The following EGF variants were observed in gnomAD, a reference collection of about 807,000 sequenced individuals.
The protein encoded by EGF is pro-epidermal growth factor.
A neutral mutation model predicts 143.8 loss-of-function variants in EGF; 95 were observed. The observed-to-expected ratio is 0.66, with a 90% CI of 0.56 to 0.78. The LOEUF (loss-of-function observed/expected upper bound fraction) is 0.78, where lower values mean the gene tolerates loss of function less well. Ranked by LOEUF, EGF falls within the 30% of genes least tolerant of loss-of-function variation. EGF has a pLI of 0.00. For missense variants in EGF, 1,320 were observed against 1,470.9 expected, an observed-to-expected ratio of 0.90 and a Z score of 1.68; for synonymous variants, 510 against 510.5, an observed-to-expected ratio of 1.00 and a Z score of 0.01.
intron 5 of EGF, among the ~76,000 whole-genome samples, chr4:109,950,805 C>T (rs936449237): frequency 1.1e-4 from 16 of 152,336 alleles, no homozygotes; most frequent in African/African-American, 3.6e-4. Flanking sequence ...CCTTCAGGAA[C>T]ACCTTCCTTG....
At chr4:109,946,108 A>G (rs1325811156) in intron 5 of EGF, among the ~76,000 whole-genome samples, 4 of 152,150 alleles carry the variant, frequency 2.6e-5, no homozygotes, top group Non-Finnish European at 5.9e-5. Context: ...CCAACACCGA[A>G]TCCATTCCAT....
intron 6 of EGF, 134 bp downstream of exon 6, chr4:109,959,571 C>A: frequency 7.3e-7 from 1 of 1,367,808 alleles, no homozygotes; most frequent in South Asian, 1.2e-5. Context: ...GTCCATTCTC[C>A]CCGTCCCCCA....
At chr4:109,986,382 T>C (rs1750110410) in intron 16 of EGF, among the ~76,000 whole-genome samples, 1 of 152,212 alleles carries the variant, frequency 6.6e-6, no homozygotes, top group Non-Finnish European at 1.5e-5. Flanking sequence ...AAATGGATAA[T>C]TGATTTGGTC....
chr4:109,967,928 C>A (rs1746872827), intron 10 of EGF, among the ~76,000 whole-genome samples: 1 of 151,900 alleles, frequency 6.6e-6, no homozygotes, highest in African/African-American at 2.4e-5. Context: ...AATGATACAC[C>A]TTTATAGGGC....
At chr4:109,964,334 G>A (rs1746194736) in intron 9 of EGF, 67 bp from the exon 10 acceptor site, 1 of 1,606,522 alleles carries the variant, frequency 6.2e-7, no homozygotes, top group Non-Finnish European at 8.5e-7. Flanking sequence ...AAAGGGAAGA[G>A]TCAGAGATGC....
intron 11 of EGF, among the ~76,000 whole-genome samples, chr4:109,970,224 C>T (rs978547623): frequency 3.9e-5 from 6 of 152,112 alleles, no homozygotes; most frequent in African/African-American, 9.7e-5. Context: ...ATCCCTTCTG[C>T]GTGCGAATGA....
chr4:109,972,104 G>T (rs943811920), intron 11 of EGF, among the ~76,000 whole-genome samples: 5 of 152,066 alleles, frequency 3.3e-5, no homozygotes, highest in Non-Finnish European at 7.4e-5. Context: ...TAGAAGGAGG[G>T]TGAGTTTTTC....
chr4:109,997,371 C>T (rs576443852), intron 20 of EGF, among the ~76,000 whole-genome samples: 2 of 152,304 alleles, frequency 1.3e-5, no homozygotes, highest in South Asian at 4.1e-4. Flanking sequence ...GTCTAGCCCT[C>T]AATTCTTGAT....
At chr4:109,973,600 C>A (rs1490922389) in intron 11 of EGF, among the ~76,000 whole-genome samples, 1 of 151,732 alleles carries the variant, frequency 6.6e-6, no homozygotes, top group African/African-American at 2.4e-5. Context: ...TCTTACTTCC[C>A]CCGACCTCTC....
At chr4:109,971,201 T>C (rs1316787566) in intron 11 of EGF, among the ~76,000 whole-genome samples, 1 of 152,216 alleles carries the variant, frequency 6.6e-6, no homozygotes, top group Non-Finnish European at 1.5e-5. Flanking sequence ...CATATTCTCT[T>C]AATAGTCATA....
At chr4:109,973,470 T>C (rs17041119) in intron 11 of EGF, among the ~76,000 whole-genome samples, 2,289 of 152,286 alleles carry the variant, frequency 0.015, 68 homozygotes, top group African/African-American at 0.051. Flanking sequence ...CTCTGATCCC[T>C]GCTTGGCTGG....
chr4:109,954,459 A>AT (rs1325969482), intron 5 of EGF, among the ~76,000 whole-genome samples: 3 of 152,086 alleles, frequency 2.0e-5, no homozygotes, highest in Admixed American at 6.6e-5. Flanking sequence ...TGGCTAGGTG[A>AT]TTTTTTTCTT....
At chr4:109,946,081 C>T (rs1742812216) in intron 5 of EGF, among the ~76,000 whole-genome samples, 1 of 152,212 alleles carries the variant, frequency 6.6e-6, no homozygotes, top group African/African-American at 2.4e-5. Context: ...CCCACTGTCT[C>T]ACCCCCAGTT....
rs773442580 is a variant in EGF, at chr4:109,913,367, T to G, written c.32T>G (p.Val11Gly). 1 of 1,613,992 alleles carries G rather than the reference T, an allele frequency of 6.2e-7. No individual in the cohort carries two copies. The highest frequency in any genetic ancestry group is 8.5e-7 in the Non-Finnish European group (1 of 1,179,902). ...CTCACTCTTATCATTCTGTTGCCAG[T>G]AGTTTCAAAATTTAGTTTTGTTAGT... The part of the protein sequence containing the change: MLLTLIILLP[V>G]VSKFSFVSLS... Residue 11 changes from valine (V) to glycine (G), a missense_variant, in exon 1 of 24, where the codon GTA (valine) becomes GGA (glycine). This residue lies in a region of EGF where 79 missense variants were observed against 71.2 expected (regional missense o/e 1.11). Coordinates refer to ENST00000265171, the MANE Select transcript of EGF (RefSeq NM_001963.6).
intron 1 of EGF, among the ~76,000 whole-genome samples, chr4:109,924,515 A>G (rs1273501186): frequency 6.8e-6 from 1 of 146,446 alleles, no homozygotes; most frequent in Non-Finnish European, 1.5e-5. Context: ...GCTTGGGCTG[A>G]CAGTGGAGAC....
At chr4:109,970,824 C>CA (rs371512157) in intron 11 of EGF, among the ~76,000 whole-genome samples, 26,398 of 72,638 alleles carry the variant, frequency 0.36, 4,679 homozygotes, top group Non-Finnish European at 0.41. Context: ...GACTCCGTCT[C>CA]AAAAAAAAAA....
intron 23 of EGF, 41 bp downstream of exon 23, chr4:110,008,271 A>C: frequency 6.2e-7 from 1 of 1,609,596 alleles, no homozygotes; most frequent in Non-Finnish European, 8.5e-7. Context: ...GGTTATTTTT[A>C]CTTAGATCCT....
At chr4:110,011,108 C>T (rs1578421732) in intron 23 of EGF, 94 bp from the exon 24 acceptor site, 2 of 1,439,788 alleles carry the variant, frequency 1.4e-6, no homozygotes, top group East Asian at 4.7e-5. Flanking sequence ...GTCTCATTTT[C>T]AGGCCAGTTC....
chr4:109,920,948 A>T (rs1284360267), intron 1 of EGF, among the ~76,000 whole-genome samples: 1 of 151,662 alleles, frequency 6.6e-6, no homozygotes, highest in South Asian at 2.1e-4. Context: ...GGCCCTTCCC[A>T]GATGTCCTGT....
Sources: gnomAD v4.1 joint callset for allele counts (sites outside exome capture counted in the v4.1 genomes callset) on GRCh38, gnomAD v4.1.1 for gene constraint, gnomAD v4.1.1 regional missense constraint, MANE v1.5 for transcripts, NCBI Gene and HGNC (gene_info 2026-07-23, HGNC 2026-07-21) for gene names.